MAST4: variants seen among roughly 807,000 people sequenced by gnomAD.
The protein encoded by MAST4 is microtubule associated serine/threonine kinase family member 4, also known as microtubule-associated serine/threonine-protein kinase 4.
Under a neutral mutation model 162.7 loss-of-function variants are expected in MAST4, and 89 were observed. That is an observed-to-expected ratio of 0.55 (90% CI 0.46 to 0.65). The LOEUF (loss-of-function observed/expected upper bound fraction) is 0.65, where lower values mean the gene tolerates loss of function less well. MAST4 is among the 30% of genes least tolerant of loss of function. The pLI is 0.00. For synonymous variants in MAST4, 1,479 were observed against 1,361.1 expected (o/e 1.09, Z -1.91); for missense variants, 3,153 against 3,374.0 (o/e 0.93, Z 1.62).
At chr5:66,618,163 A>G (rs952334852) in intron 1 of MAST4, among the ~76,000 whole-genome samples, 2 of 152,160 alleles carry the variant, frequency 1.3e-5, no homozygotes, top group African/African-American at 4.8e-5. Context: ...TTTACTGCCG[A>G]GTGCTCTTTC....
At position 66,716,372 on chromosome 5, in the gene MAST4, A is replaced by G. The variant is rs376208121; in HGVS notation, c.364-43337A>G. On this transcript the variant is annotated intron_variant, in intron 1 of 28. Transcript: ENST00000403625. The stretch of plus-strand genomic sequence containing the variant: ...TGTGTGTATGTATGTGTGTATTTAG[A>G]GAGGGGGTCTTACTCGGTTGCCCAG... Among the ~76,000 whole-genome samples, 29 of 152,208 alleles carry G rather than the reference A, an allele frequency of 1.9e-4. No homozygotes were observed. In the East Asian group the frequency reaches 3.7e-3, roughly 19 times the overall value.
intron 1 of MAST4, among the ~76,000 whole-genome samples, chr5:66,705,635 T>C (rs951859011): frequency 5.3e-5 from 8 of 152,214 alleles, no homozygotes; most frequent in African/African-American, 1.9e-4. Context: ...TTTGTAGCCA[T>C]ATGCCTGGCA....
At chr5:66,663,431 A>T (rs924579385) in intron 1 of MAST4, among the ~76,000 whole-genome samples, 2 of 152,222 alleles carry the variant, frequency 1.3e-5, no homozygotes, top group Admixed American at 1.3e-4. Context: ...GAGAAAAATA[A>T]AGCAGGTTAA....
intron 2 of MAST4, among the ~76,000 whole-genome samples, chr5:66,782,102 G>T (rs1754898276): frequency 6.6e-6 from 1 of 151,834 alleles, no homozygotes; most frequent in Admixed American, 6.6e-5. Context: ...CAGCCTGGCC[G>T]ACATGGTGAA....
intron 2 of MAST4, among the ~76,000 whole-genome samples, chr5:66,766,352 C>T (rs192068996): frequency 7.3e-4 from 111 of 152,110 alleles, no homozygotes; most frequent in Admixed American, 9.2e-4. Flanking sequence ...ATAACATGCA[C>T]ATAATAATAA....
At chr5:66,925,501 T>A (rs2150058388) in intron 4 of MAST4, among the ~76,000 whole-genome samples, 1 of 152,326 alleles carries the variant, frequency 6.6e-6, no homozygotes, top group South Asian at 2.1e-4. Context: ...AGATTTTCTT[T>A]GTTTTGCCTT....
intron 3 of MAST4, among the ~76,000 whole-genome samples, chr5:66,857,566 T>G (rs943586942): frequency 3.7e-4 from 56 of 152,342 alleles, no homozygotes; most frequent in African/African-American, 1.3e-3. Flanking sequence ...ACTTTTTGAT[T>G]TGCACTATTC....
intron 3 of MAST4, among the ~76,000 whole-genome samples, chr5:66,844,997 A>G (rs1299880876): frequency 1.3e-5 from 2 of 148,416 alleles, no homozygotes; most frequent in Non-Finnish European, 3.0e-5. Flanking sequence ...AAGCCATGGG[A>G]GTGGAGGAGA....
chr5:66,878,083 A>G (rs2149894908), intron 3 of MAST4, among the ~76,000 whole-genome samples: 1 of 152,354 alleles, frequency 6.6e-6, no homozygotes, highest in African/African-American at 2.4e-5. Context: ...CCTGTTATCA[A>G]AGGATAAAGC....
intron 3 of MAST4, among the ~76,000 whole-genome samples, chr5:66,880,449 GT>G (rs902296285): frequency 6.6e-6 from 1 of 152,018 alleles, no homozygotes; most frequent in African/African-American, 2.4e-5. Context: ...AAAAAAGTGG[GT>G]TTTTTTAAAC....
intron 4 of MAST4, among the ~76,000 whole-genome samples, chr5:67,037,468 A>G (rs1205139561): frequency 1.3e-5 from 2 of 152,204 alleles, no homozygotes; most frequent in Non-Finnish European, 2.9e-5. Context: ...TAGCTCATTT[A>G]GTACATAAAA....
chr5:66,909,236 A>G (rs553772898), intron 4 of MAST4, among the ~76,000 whole-genome samples: 4 of 152,228 alleles, frequency 2.6e-5, no homozygotes, highest in African/African-American at 9.6e-5. Context: ...TGGTAACCCT[A>G]AGGACACGAG....
chr5:67,046,999 C>A (rs546095751), intron 4 of MAST4, among the ~76,000 whole-genome samples: 2 of 152,340 alleles, frequency 1.3e-5, no homozygotes, highest in African/African-American at 2.4e-5. Flanking sequence ...GGCACTCAGG[C>A]TGATAGTATC....
At chr5:66,977,760 TTC>T (rs1748330237) in intron 4 of MAST4, among the ~76,000 whole-genome samples, 1 of 152,216 alleles carries the variant, frequency 6.6e-6, no homozygotes, top group African/African-American at 2.4e-5. Flanking sequence ...TGTCATTTGA[TTC>T]TGTTAGTTTT....
chr5:66,974,882 G>A (rs935130182), intron 4 of MAST4, among the ~76,000 whole-genome samples: 12 of 152,208 alleles, frequency 7.9e-5, no homozygotes, highest in Non-Finnish European at 1.8e-4. Flanking sequence ...AAGAGTATGG[G>A]TTGGGAATTG....
chr5:66,701,752 T>A (rs750398347), intron 1 of MAST4, among the ~76,000 whole-genome samples: 16 of 152,182 alleles, frequency 1.1e-4, no homozygotes, highest in Non-Finnish European at 2.9e-5. Context: ...GCTTCAGGTT[T>A]TTTAACCTCC....
chr5:67,129,679 A>G (rs1438408601), intron 14 of MAST4, among the ~76,000 whole-genome samples: 2 of 151,798 alleles, frequency 1.3e-5, no homozygotes, highest in Non-Finnish European at 2.9e-5. Flanking sequence ...AGCTGAGATC[A>G]TGCCACTGCA....
At chr5:66,613,915 G>T (rs1473539117) in intron 1 of MAST4, among the ~76,000 whole-genome samples, 1 of 148,820 alleles carries the variant, frequency 6.7e-6, no homozygotes, top group Non-Finnish European at 1.5e-5. Flanking sequence ...AGGGTTAGTG[G>T]ATGCCAGTCA....
At chr5:67,105,530 G>A (rs1011498447) in intron 10 of MAST4, among the ~76,000 whole-genome samples, 4 of 152,148 alleles carry the variant, frequency 2.6e-5, no homozygotes, top group Admixed American at 2.0e-4. Flanking sequence ...GCAACCAACT[G>A]CAGTCCACTG....
Sources: allele counts gnomAD v4.1 joint callset (sites outside exome capture counted in the v4.1 genomes callset), GRCh38; gene constraint gnomAD v4.1.1; transcripts MANE v1.5; gene names NCBI Gene and HGNC (gene_info 2026-07-23, HGNC 2026-07-21).